Variants in CDH13 observed in about 807,000 individuals in gnomAD.
The protein encoded by CDH13 is cadherin 13.
In CDH13, 24 loss-of-function variants were observed where a neutral mutation model predicts 63.8. That is an observed-to-expected ratio of 0.38 (90% CI 0.27 to 0.53). The LOEUF is 0.53. Ranked by LOEUF, CDH13 falls within the 20% of genes least tolerant of loss-of-function variation. The pLI is 0.85. For missense variants in CDH13, 1,049 were observed against 903.1 expected (o/e 1.16, Z -2.07); for synonymous variants, 503 against 355.3 (o/e 1.42, Z -4.67).
chr16:82,705,007 C>G (rs1226651894), intron 1 of CDH13: 1 of 382,160 alleles, frequency 2.6e-6, no homozygotes, highest in East Asian at 7.4e-5. Context: ...AGGTGAATGA[C>G]CATGCATTGC....
intron 13 of CDH13, 151 bp from the exon 14 acceptor site, chr16:83,794,872 G>C: frequency 1.4e-6 from 1 of 718,836 alleles, no homozygotes; most frequent in Non-Finnish European, 2.5e-6. Context: ...CTTCCAATGT[G>C]ATCCTTAAGG....
At chr16:82,784,591 A>T (rs898304737) in intron 1 of CDH13, among the ~76,000 whole-genome samples, 8 of 152,212 alleles carry the variant, frequency 5.3e-5, no homozygotes, top group Non-Finnish European at 1.2e-4. Flanking sequence ...GTTAGAACCT[A>T]GTGAGGGAAG....
At chr16:82,628,102 C>G (rs1907570463) in intron 1 of CDH13, among the ~76,000 whole-genome samples, 1 of 152,214 alleles carries the variant, frequency 6.6e-6, no homozygotes. Flanking sequence ...GCTCCGAGGC[C>G]AGGCCTGGGG....
intron 6 of CDH13, among the ~76,000 whole-genome samples, chr16:83,471,694 C>T (rs2073457948): frequency 2.6e-5 from 4 of 152,308 alleles, no homozygotes; most frequent in African/African-American, 7.2e-5. Flanking sequence ...TTGAAGTAGG[C>T]AGGATTTGAT....
At chr16:82,743,497 G>T (rs1023911738) in intron 1 of CDH13, among the ~76,000 whole-genome samples, 1 of 152,152 alleles carries the variant, frequency 6.6e-6, no homozygotes. Context: ...GAGATTACAG[G>T]CATTAGCCAC....
At chr16:82,706,562 G>C (rs1437271772) in intron 1 of CDH13, among the ~76,000 whole-genome samples, 1 of 151,908 alleles carries the variant, frequency 6.6e-6, no homozygotes, top group Non-Finnish European at 1.5e-5. Context: ...GGTCAGCGGA[G>C]GTGGGTGGAT....
At chr16:83,102,018 C>G (rs537147028) in intron 3 of CDH13, among the ~76,000 whole-genome samples, 1 of 152,210 alleles carries the variant, frequency 6.6e-6, no homozygotes, top group South Asian at 2.1e-4. Context: ...TTGATGGGTC[C>G]AATGTTATCA....
intron 1 of CDH13, among the ~76,000 whole-genome samples, chr16:82,841,572 T>C (rs2039012090): frequency 6.6e-6 from 1 of 152,174 alleles, no homozygotes; most frequent in South Asian, 2.1e-4. Flanking sequence ...AAGGATTCAT[T>C]GCATTTTCTC....
intron 7 of CDH13, among the ~76,000 whole-genome samples, chr16:83,487,126 C>G (rs2073907745): frequency 6.6e-6 from 1 of 152,190 alleles, no homozygotes; most frequent in African/African-American, 2.4e-5. Context: ...GAACCCCTCT[C>G]TTCCTCCATC....
intron 7 of CDH13, among the ~76,000 whole-genome samples, chr16:83,574,605 G>C (rs1278132600): frequency 6.6e-6 from 1 of 152,182 alleles, no homozygotes; most frequent in Non-Finnish European, 1.5e-5. Flanking sequence ...CGTGCTCAGT[G>C]TCCTCATTTG....
At chr16:83,409,752 G>T (rs1056130518) in intron 6 of CDH13, among the ~76,000 whole-genome samples, 2 of 152,194 alleles carry the variant, frequency 1.3e-5, no homozygotes, top group African/African-American at 4.8e-5. Context: ...CCAGAAGTGG[G>T]ATGTTGAGTG....
At chr16:82,784,387 A>C (rs2035904698) in intron 1 of CDH13, among the ~76,000 whole-genome samples, 1 of 152,192 alleles carries the variant, frequency 6.6e-6, no homozygotes, top group Non-Finnish European at 1.5e-5. Context: ...GACCACACCT[A>C]CCAGCAAGGG....
chr16:82,890,539 GTAAAT>G (rs2041043659), intron 2 of CDH13, among the ~76,000 whole-genome samples: 2 of 152,032 alleles, frequency 1.3e-5, no homozygotes, highest in African/African-American at 4.8e-5. Flanking sequence ...CATCAGGATA[GTAAAT>G]TAAATGGCAG....
At chr16:83,427,243 CCTT>C (rs1279033085) in intron 6 of CDH13, among the ~76,000 whole-genome samples, 2 of 151,852 alleles carry the variant, frequency 1.3e-5, no homozygotes, top group Non-Finnish European at 2.9e-5. Context: ...GTCAAAGAAA[CCTT>C]CTAGATGTGA....
At chr16:82,874,451 C>G (rs1472787686) in intron 2 of CDH13, among the ~76,000 whole-genome samples, 1 of 149,988 alleles carries the variant, frequency 6.7e-6, no homozygotes, top group Non-Finnish European at 1.5e-5. Flanking sequence ...GCAGGCCACC[C>G]CCGAGAAGTG....
intron 1 of CDH13, among the ~76,000 whole-genome samples, chr16:82,845,123 G>A (rs75230891): frequency 5.6e-4 from 85 of 152,254 alleles, no homozygotes; most frequent in African/African-American, 2.0e-3. Context: ...AGGATGAGAA[G>A]GCAGGAAAGG....
At chr16:83,413,802 A>G (rs990317772) in intron 6 of CDH13, among the ~76,000 whole-genome samples, 62 of 152,186 alleles carry the variant, frequency 4.1e-4, no homozygotes, top group African/African-American at 1.4e-3. Context: ...AGCCTGGCCA[A>G]CATGGTAAAA....
chr16:83,243,057 A>G (rs1904623158), intron 5 of CDH13, among the ~76,000 whole-genome samples: 1 of 152,174 alleles, frequency 6.6e-6, no homozygotes, highest in Non-Finnish European at 1.5e-5. Context: ...TACCTAAGAC[A>G]TGGTGAGTAA....
rs74030816 is a variant in CDH13 at position 82,749,608 on chromosome 16, T to C, written c.46-108754T>C. Among the ~76,000 whole-genome samples, 693 of 152,336 alleles carry C rather than the reference T, an allele frequency of 4.5e-3. 4 individuals are homozygous for C. The highest frequency in any genetic ancestry group is 0.016 in the African/African-American group (665 of 41,574). On this transcript the variant is annotated intron_variant, in intron 1 of 13. Transcript: ENST00000567109. ...GTGAGAGAGCTGGGACTGGAACCCA[T>C]GTTCATGCGATTGTTTTAAATAGGT...
Sources: allele counts gnomAD v4.1 joint callset (sites outside exome capture counted in the v4.1 genomes callset), GRCh38; gene constraint gnomAD v4.1.1; transcripts MANE v1.5; gene names NCBI Gene and HGNC (gene_info 2026-07-23, HGNC 2026-07-21).